Variants in CDC7 observed in about 807,000 individuals in gnomAD.
CDC7 encodes the protein cell division cycle 7.
CDC7 carries 34 observed loss-of-function variants against 53.5 expected under a neutral mutation model. That is an observed-to-expected ratio of 0.64 (90% CI 0.48 to 0.85). The LOEUF (loss-of-function observed/expected upper bound fraction) is 0.85, where lower values mean the gene tolerates loss of function less well. Among genes scored for constraint, CDC7 ranks in the 40% least tolerant of loss-of-function variants. The pLI, the probability that CDC7 is intolerant of heterozygous loss-of-function variation, is 0.00. For synonymous variants in CDC7, 211 were observed against 222.8 expected, an observed-to-expected ratio of 0.95 and a Z score of 0.47; for missense variants, 594 against 679.7, an observed-to-expected ratio of 0.87 and a Z score of 1.40.
At position 91,515,948 on chromosome 1, in the gene CDC7, G is replaced by C. The variant is rs1399755062; in HGVS notation, c.1180+72G>C. On this transcript the variant is annotated intron_variant, in intron 10 of 11. Transcript: ENST00000234626. ...AGACGTATTTTATTTTATGATCTTT[G>C]TCTATTTATAACTAATATTTGAGTT... The C allele has an allele frequency of 4.0e-6, 5 of 1,251,254 alleles. No individual in the cohort carries two copies. In the East Asian group the frequency reaches 1.2e-4, roughly 30 times the overall value. The allele number at this position is 1,251,254 out of a possible 1,614,324, so 77.5% of individuals were successfully genotyped here.
chr1:91,518,158 T>C (rs540806120), intron 10 of CDC7, among the ~76,000 whole-genome samples: 1 of 138,518 alleles, frequency 7.2e-6, no homozygotes, highest in East Asian at 2.1e-4. Flanking sequence ...GATAACCTGG[T>C]GATACTAGGA....
chr1:91,504,975 G>A (rs188793183), intron 2 of CDC7, among the ~76,000 whole-genome samples: 11 of 152,292 alleles, frequency 7.2e-5, no homozygotes, highest in Admixed American at 6.5e-4. Context: ...TAAATACTGT[G>A]CTCAAAAGTG....
intron 2 of CDC7, among the ~76,000 whole-genome samples, chr1:91,506,882 A>G (rs900188477): frequency 2.6e-5 from 4 of 152,142 alleles, no homozygotes; most frequent in African/African-American, 9.7e-5. Context: ...CGCAGGAGGC[A>G]GAGGTTGCAG....
intron 11 of CDC7, among the ~76,000 whole-genome samples, chr1:91,522,947 CTTG>C (rs966249671): frequency 6.6e-5 from 10 of 152,110 alleles, no homozygotes; most frequent in Non-Finnish European, 4.4e-5. Flanking sequence ...TGTTGTGGTA[CTTG>C]TTGTTTCGTA....
intron 2 of CDC7, among the ~76,000 whole-genome samples, chr1:91,502,630 A>G (rs1449012077): frequency 6.6e-6 from 1 of 152,216 alleles, no homozygotes; most frequent in Admixed American, 6.5e-5. Flanking sequence ...CCACTTACCT[A>G]AACTTGAAAC....
At position 91,511,770 on chromosome 1, in the gene CDC7, C is replaced by T; in HGVS notation, c.430-11C>T. 1 of 1,542,280 alleles carries T rather than the reference C, an allele frequency of 6.5e-7. No individual in the cohort carries two copies. Among genetic ancestry groups the T allele is most frequent in the South Asian group, 1.1e-5 (1 of 88,282 alleles). The stretch of plus-strand genomic sequence containing the variant: ...TATTTGTAACTCATTTCATTTGTAA[C>T]TTTGTTTTAGGACATTCTGAATTCT... On this transcript the variant is annotated splice_polypyrimidine_tract_variant and intron_variant, in intron 5 of 11. Coordinates refer to ENST00000234626, the MANE Select transcript of CDC7 (RefSeq NM_003503.4).
chr1:91,524,022 T>C lies in CDC7; in HGVS notation c.1331-19T>C, dbSNP rs1348820450. On this transcript the variant is annotated intron_variant, in intron 11 of 11. Coordinates refer to ENST00000234626, the MANE Select transcript of CDC7 (RefSeq NM_003503.4). ...AAAATGTTTTTTTCTGTTTTTGTTT[T>C]TTCTTCTTTTGCTTTTAGGGAAATC... 5.8e-6 allele frequency: 9 copies of C among 1,556,908 alleles called. No individual in the cohort carries two copies. Among genetic ancestry groups the C allele is most frequent in the South Asian group, 1.2e-5 (1 of 83,024 alleles).
intron 3 of CDC7, 62 bp from the exon 4 acceptor site, chr1:91,508,200 G>T: frequency 7.4e-7 from 1 of 1,358,328 alleles, no homozygotes. Context: ...ATCTATCTTA[G>T]AATTGTTTCA....
At chr1:91,514,495 G>C (rs968457625) in intron 8 of CDC7, among the ~76,000 whole-genome samples, 4 of 152,190 alleles carry the variant, frequency 2.6e-5, no homozygotes, top group Non-Finnish European at 5.9e-5. Context: ...CAACGTACTT[G>C]TGCAGTTTAC....
In CDC7 at chr1:91,501,785, G is replaced by A. The variant is rs56296843; in HGVS notation, c.69G>A (p.Gln23=). 4.0e-4 allele frequency: 641 copies of A among 1,614,096 alleles called. No homozygotes were observed. The highest frequency in any genetic ancestry group is 5.2e-4 in the Non-Finnish European group (616 of 1,179,998). ...MAFSPQRDRF[Q]AEGSLKKNEQ... is the part of the protein sequence containing the mutation. The stretch of plus-strand genomic sequence containing the variant: ...TTTCTCCCCAGCGTGACCGGTTTCA[G>A]GCTGAAGGCTCTTTAAAAAAAAACG... The change falls in exon 2 of 12, where the codon CAG becomes CAA. Residue 23 remains glutamine (Q), a synonymous_variant. Transcript: ENST00000234626.
intron 2 of CDC7, among the ~76,000 whole-genome samples, chr1:91,506,043 T>C (rs1666969583): frequency 6.6e-6 from 1 of 152,158 alleles, no homozygotes; most frequent in Non-Finnish European, 1.5e-5. Context: ...GTCTCCCTCT[T>C]CCATCACCCA....
intron 11 of CDC7, among the ~76,000 whole-genome samples, chr1:91,523,646 C>CTAGGCAAAGACAGGAGTCATG (rs1668104613): frequency 6.6e-6 from 1 of 151,912 alleles, no homozygotes; most frequent in African/African-American, 2.4e-5. Flanking sequence ...GCAGGGCATC[C>CTAGGCAAAGACAGGAGTCATG]TAGGCAAAGA....
In CDC7 at chr1:91,511,899, T is replaced by A. The variant is rs753807413; in HGVS notation, c.548T>A (p.Phe183Tyr). 6.3e-7 allele frequency: 1 copy of A among 1,588,256 alleles called. No individual in the cohort carries two copies. The highest frequency in any genetic ancestry group is 1.1e-5 in the South Asian group (1 of 87,590). ...CACCGTGATGTTAAGCCCAGCAATT[T>A]TTTATATAATAGGCGCCTGAAAAAG... Reference protein sequence around the residue: ...IVHRDVKPSNFLYNRRLKKYA... With the variant: ...IVHRDVKPSNYLYNRRLKKYA... Residue 183 changes from phenylalanine to tyrosine, a missense_variant, in exon 6 of 12, where the codon TTT becomes TAT. Transcript: ENST00000234626.
At chr1:91,513,330 A>C (rs369339465) in intron 7 of CDC7, 23 bp downstream of exon 7, 61 of 1,599,470 alleles carry the variant, frequency 3.8e-5, no homozygotes, top group Admixed American at 2.0e-4. Flanking sequence ...TTATTTCTTA[A>C]GTACCGACAC....
At position 91,501,799 on chromosome 1, in the gene CDC7, T is replaced by A; in HGVS notation, c.83T>A (p.Leu28Ter). ...QRDRFQAEGS[L>*]KKNEQNFKLA... ...GACCGGTTTCAGGCTGAAGGCTCTT[T>A]AAAAAAAAACGAGCAGAATTTTAAA... The change falls in exon 2 of 12, where the codon TTA becomes TAA. Residue 28 changes from leucine to a stop codon, truncating the protein, a stop_gained. Transcript: ENST00000234626. LOFTEE classifies it high-confidence loss of function. 14 of 1,582,738 alleles carry A rather than the reference T, an allele frequency of 8.8e-6. No homozygotes were observed. The highest frequency in any genetic ancestry group is 1.1e-5 in the Non-Finnish European group (13 of 1,155,580).
intron 6 of CDC7, 125 bp from the exon 7 acceptor site, chr1:91,512,933 T>C: frequency 1.3e-6 from 1 of 778,546 alleles, no homozygotes. Flanking sequence ...TTTTCCAGAA[T>C]GTTATAAATT....
chr1:91,507,052 C>G (rs970531908), intron 2 of CDC7, among the ~76,000 whole-genome samples: 3 of 152,156 alleles, frequency 2.0e-5, no homozygotes, highest in East Asian at 1.9e-4. Context: ...TCTGAAAAAT[C>G]AGGATAATCA....
At chr1:91,515,148 C>T (rs1208579275) in intron 9 of CDC7, 151 bp downstream of exon 9, 1 of 509,660 alleles carries the variant, frequency 2.0e-6, no homozygotes, top group African/African-American at 2.0e-5. Flanking sequence ...TGTTGAAGAG[C>T]AAATGATAAC....
Position 91,508,250 on chromosome 1 carries a change from A to G in CDC7, c.200-12A>G, listed in dbSNP as rs1158526144. ...AACCAGATATTGAAAAATTTAATAA[A>G]TTGTTTTACAGGCACTTTCAGCTCT... On this transcript the variant is annotated splice_polypyrimidine_tract_variant and intron_variant, in intron 3 of 11. Coordinates refer to ENST00000234626, the MANE Select transcript of CDC7 (RefSeq NM_003503.4). The G allele has an allele frequency of 6.4e-7, 1 of 1,568,022 alleles. No homozygotes were observed.
Sources: allele counts gnomAD v4.1 joint callset (sites outside exome capture counted in the v4.1 genomes callset), GRCh38; gene constraint gnomAD v4.1.1; transcripts MANE v1.5; gene names NCBI Gene and HGNC (gene_info 2026-07-23, HGNC 2026-07-21).